GPR55: variants seen among roughly 807,000 people sequenced by gnomAD.
GPR55 encodes G-protein coupled receptor 55.
In GPR55, 6 loss-of-function variants were observed where a neutral mutation model predicts 7.9. That is an observed-to-expected ratio of 0.76 (90% CI 0.41 to 1.49). The LOEUF (loss-of-function observed/expected upper bound fraction) is 1.49. Ranked by LOEUF, GPR55 falls within the 40% of genes most tolerant of loss-of-function variation. The pLI is 0.01. For missense variants in GPR55, 376 were observed against 406.0 expected, an observed-to-expected ratio of 0.93 and a Z score of 0.63; for synonymous variants, 183 against 166.8, an observed-to-expected ratio of 1.10 and a Z score of -0.75.
intron 1 of GPR55, among the ~76,000 whole-genome samples, chr2:230,917,474 G>C (rs1363103736): frequency 1.3e-5 from 2 of 151,962 alleles, no homozygotes; most frequent in African/African-American, 4.8e-5. Flanking sequence ...AATTATTTTG[G>C]CTATACTCTC....
chr2:230,914,011 A>G (rs889566401), intron 1 of GPR55, among the ~76,000 whole-genome samples: 2 of 152,240 alleles, frequency 1.3e-5, no homozygotes, highest in African/African-American at 4.8e-5. Context: ...GGAGCCACCA[A>G]TGACAAAAGC....
chr2:230,924,543 C>G lies in GPR55; in HGVS notation c.-135+625G>C, dbSNP rs949550275. ...TGCAGCTATAATGTAGGATAGCAAC[C>G]AGGGCTTTCCTCTCCATCATTTACT... On this transcript the variant is annotated intron_variant, in intron 1 of 1. Transcript: ENST00000650999. This position sits in a 1 kb window ranked among gnomAD's most constrained non-coding sequence, Gnocchi z 4.5. 1.3e-5 allele frequency: 2 copies of G among 152,258 alleles called. No homozygotes were observed. The highest frequency in any genetic ancestry group is 1.3e-4 in the Admixed American group (2 of 15,288). The allele number at this position is 152,258 out of a possible 1,614,324, so 9.4% of individuals were successfully genotyped here.
chr2:230,958,161 T>G (rs1002448133), intron 1 of GPR55, among the ~76,000 whole-genome samples: 3 of 152,226 alleles, frequency 2.0e-5, no homozygotes, highest in African/African-American at 7.2e-5. Flanking sequence ...AAACTCAGGA[T>G]AGTGAAACCA....
chr2:230,920,490 T>A (rs1344926), intron 1 of GPR55, among the ~76,000 whole-genome samples: 22,428 of 151,126 alleles, frequency 0.15, 2,666 homozygotes, highest in African/African-American at 0.33. Flanking sequence ...ATGATTTTTT[T>A]AAAAAAAAAT....
rs1423092898 is a variant in GPR55, at chr2:230,909,826, A to C, written c.*177T>G. The C allele has an allele frequency of 3.1e-6, 2 of 635,724 alleles. No homozygotes were observed. Among genetic ancestry groups the C allele is most frequent in the African/African-American group, 3.7e-5 (2 of 54,772 alleles). 39.4% of individuals were successfully genotyped at this position (635,724 alleles called of 1,614,324 possible). On this transcript the variant is annotated 3_prime_UTR_variant, in exon 2 of 2. Transcript: ENST00000650999. Reference sequence around the variant, plus strand: ...ACTGGGTGGTATAAGCTGTCTGGGCAGTGGAAAAAAGGTCTTTGGGGTATA... The same window carrying C: ...ACTGGGTGGTATAAGCTGTCTGGGCCGTGGAAAAAAGGTCTTTGGGGTATA...
intron 1 of GPR55, among the ~76,000 whole-genome samples, chr2:230,937,744 A>G (rs1234079611): frequency 6.6e-6 from 1 of 152,220 alleles, no homozygotes; most frequent in Non-Finnish European, 1.5e-5. Flanking sequence ...CAAAAAGACA[A>G]GTAGTAGAGA....
At chr2:230,912,395 C>T (rs6436979) in intron 1 of GPR55, among the ~76,000 whole-genome samples, 5,233 of 152,222 alleles carry the variant, frequency 0.034, 174 homozygotes, top group African/African-American at 0.082. Flanking sequence ...CAGAGAATCC[C>T]ATACTAGTGA....
intron 1 of GPR55, among the ~76,000 whole-genome samples, chr2:230,921,210 A>T (rs1416744199): frequency 1.4e-5 from 2 of 138,552 alleles, no homozygotes; most frequent in African/African-American, 5.5e-5. Context: ...AAGAAATTTT[A>T]AAAAATGGAA....
upstream of GPR55, among the ~76,000 whole-genome samples, chr2:230,929,298 G>T (rs916166173): frequency 6.6e-6 from 1 of 152,124 alleles, no homozygotes; most frequent in African/African-American, 2.4e-5. Context: ...AGACAGGAAG[G>T]TGCGTGCCCC....
At chr2:230,954,113 G>T (rs1041176369) in intron 1 of GPR55, among the ~76,000 whole-genome samples, 13 of 152,274 alleles carry the variant, frequency 8.5e-5, no homozygotes, top group African/African-American at 2.9e-4. Flanking sequence ...TTCTGAGCAA[G>T]TTCCGAGATG....
At chr2:230,915,431 G>A (rs538092971) in intron 1 of GPR55, among the ~76,000 whole-genome samples, 15 of 152,312 alleles carry the variant, frequency 9.8e-5, no homozygotes, top group East Asian at 9.6e-4. Context: ...ACTGGAATGG[G>A]GCAGTCCCAG....
chr2:230,927,645 G>A (rs116771494), upstream of GPR55, among the ~76,000 whole-genome samples: 238 of 152,364 alleles, frequency 1.6e-3, 1 homozygote, highest in African/African-American at 5.4e-3. Flanking sequence ...TGGGAGCCCC[G>A]AGTTGGGGGG....
intron 1 of GPR55, among the ~76,000 whole-genome samples, chr2:230,954,065 C>T (rs1422454117): frequency 6.6e-6 from 1 of 152,208 alleles, no homozygotes; most frequent in Non-Finnish European, 1.5e-5. Flanking sequence ...GATCAACGGA[C>T]CTTGTCTTGC....
intron 1 of GPR55, among the ~76,000 whole-genome samples, chr2:230,937,525 C>T (rs529664423): frequency 3.8e-4 from 56 of 145,974 alleles, no homozygotes; most frequent in African/African-American, 1.4e-3. Flanking sequence ...CTCTTGTGAT[C>T]GTGACTGGTG....
chr2:230,951,756 GTT>G (rs869195749), intron 1 of GPR55, among the ~76,000 whole-genome samples: 2 of 47,532 alleles, frequency 4.2e-5, no homozygotes, highest in Non-Finnish European at 7.6e-5. Context: ...TGTTATTGGG[GTT>G]TTTTTTTTTT....
At chr2:230,935,447 A>G (rs1691118733) in intron 1 of GPR55, among the ~76,000 whole-genome samples, 2 of 152,138 alleles carry the variant, frequency 1.3e-5, no homozygotes, top group Admixed American at 1.3e-4. Flanking sequence ...TTGGCTGTAA[A>G]AGGGGTTTTG....
chr2:230,953,998 G>A (rs961665946), intron 1 of GPR55, among the ~76,000 whole-genome samples: 4 of 152,246 alleles, frequency 2.6e-5, no homozygotes, highest in Non-Finnish European at 2.9e-5. Context: ...CAGGCCTGTG[G>A]AGCAAGCTTA....
chr2:230,941,114 C>T (rs747859948), intron 1 of GPR55, among the ~76,000 whole-genome samples: 59 of 150,636 alleles, frequency 3.9e-4, no homozygotes, highest in Non-Finnish European at 1.0e-4. Context: ...AAGACTCCAT[C>T]TCCAGAAAAA....
At position 230,955,210 on chromosome 2, in the gene GPR55, G is replaced by A. The variant is rs149517325; in HGVS notation, c.-135+5565C>T. Among the ~76,000 whole-genome samples, 413 of 152,264 alleles carry A rather than the reference G, an allele frequency of 2.7e-3. 3 individuals are homozygous for A. The highest frequency in any genetic ancestry group is 9.4e-3 in the African/African-American group (392 of 41,554). ...ATTCACAATCCACTGTTGAAATTTTGTCAGATAATACAAACAACAAATGTT... is the reference window on the plus strand; with the variant it reads ...ATTCACAATCCACTGTTGAAATTTTATCAGATAATACAAACAACAAATGTT... On this transcript the variant is annotated intron_variant, in intron 1 of 1. Transcript: ENST00000392039.
Sources: allele counts gnomAD v4.1 joint callset (sites outside exome capture counted in the v4.1 genomes callset), GRCh38; gene constraint gnomAD v4.1.1; non-coding constraint Gnocchi (gnomAD v3.1); transcripts MANE v1.5; gene names NCBI Gene and HGNC (gene_info 2026-07-23, HGNC 2026-07-21).